Variants in MFGE8 observed in about 807,000 individuals in gnomAD.
The protein encoded by MFGE8 is lactadherin.
MFGE8 carries 34 observed loss-of-function variants against 42.6 expected under a neutral mutation model. The observed-to-expected ratio is 0.80, with a 90% CI of 0.61 to 1.06. The LOEUF (loss-of-function observed/expected upper bound fraction) is 1.06. MFGE8 is among the 50% of genes least tolerant of loss of function. The probability of loss-of-function intolerance (pLI) is 0.00; values close to 1 mark genes in which losing one functional copy is unlikely to be tolerated. For synonymous variants in MFGE8, 230 were observed against 214.8 expected (o/e 1.07, Z -0.62); for missense variants, 510 against 516.9 (o/e 0.99, Z 0.13).
intron 2 of MFGE8, 118 bp downstream of exon 2, chr15:88,909,674 C>T (rs1458736201): frequency 5.3e-6 from 8 of 1,499,780 alleles, no homozygotes; most frequent in Non-Finnish European, 7.4e-6. Context: ...GGCCTTGACA[C>T]CTCCACTGGG....
In MFGE8 at chr15:88,906,842, C is replaced by T; in HGVS notation, c.388-64G>A. 2.5e-6 allele frequency: 4 copies of T among 1,599,738 alleles called. No individual in the cohort carries two copies. In the East Asian group the frequency reaches 8.9e-5, roughly 36 times the overall value. On this transcript the variant is annotated intron_variant, in intron 3 of 7. Transcript: ENST00000268150. This position sits in a 1 kb window ranked among gnomAD's most constrained non-coding sequence, Gnocchi z 4.2. ...GGGTTCTTTCCACTCAAGATCCAAG[C>T]AGACCCATCCCTTCACTCCCCCACT...
intron 1 of MFGE8, among the ~76,000 whole-genome samples, chr15:88,911,571 A>C (rs993536510): frequency 1.3e-5 from 2 of 151,688 alleles, no homozygotes; most frequent in Non-Finnish European, 2.9e-5. Context: ...AAATACAAAA[A>C]ATTAGCCGGG....
In MFGE8 at chr15:88,905,922, CTG is replaced by C; in HGVS notation, c.541-23_541-22del. On this transcript the variant is annotated intron_variant, in intron 4 of 7. Coordinates refer to ENST00000268150, the MANE Select transcript of MFGE8 (RefSeq NM_005928.4). This position sits in a 1 kb window ranked among gnomAD's most constrained non-coding sequence, Gnocchi z 6.6. ...AACTCCTAGCAGGGAAGGGACAAGA[CTG>C]GAGAAGGGGGTCCATCTGAGCAGTC... The C allele has an allele frequency of 1.2e-6, 2 of 1,614,062 alleles. No homozygotes were observed. The highest frequency in any genetic ancestry group is 1.7e-6 in the Non-Finnish European group (2 of 1,179,956).
chr15:88,903,430 T>A lies in MFGE8; in HGVS notation c.686-1695A>T, dbSNP rs1439468048. 1 of 151,990 alleles carries A rather than the reference T, an allele frequency of 6.6e-6. No homozygotes were observed. Among genetic ancestry groups the A allele is most frequent in the Non-Finnish European group, 1.5e-5 (1 of 67,982 alleles). The allele number at this position is 151,990 out of a possible 1,614,324, so 9.4% of individuals were successfully genotyped here. ...GATCTTGATATAAAAAAAAAAAGCT[T>A]ATGTTTCAGCAAGTCTAGGCTGGGG... On this transcript the variant is annotated intron_variant, in intron 5 of 7. Transcript: ENST00000268150. This position sits in a 1 kb window ranked among gnomAD's most constrained non-coding sequence, Gnocchi z 4.9.
intron 1 of MFGE8, 131 bp from the exon 2 acceptor site, chr15:88,910,054 T>C (rs1898887635): frequency 4.3e-6 from 5 of 1,155,526 alleles, no homozygotes; most frequent in Non-Finnish European, 6.4e-6. Context: ...CCTCTCCCTC[T>C]TCCCCCGTGT....
chr15:88,912,553 G>A (rs981362185), intron 1 of MFGE8: 2 of 985,300 alleles, frequency 2.0e-6, no homozygotes, highest in African/African-American at 1.7e-5. Flanking sequence ...CAGCCTGCAA[G>A]GGGCCCAGCT....
rs374102886 is a variant in MFGE8 at position 88,903,472 on chromosome 15, CTTTT to C, written c.686-1741_686-1738del. 6.7e-6 allele frequency: 1 copy of C among 150,358 alleles called. No homozygotes were observed. Among genetic ancestry groups the C allele is most frequent in the Non-Finnish European group, 1.5e-5 (1 of 67,502 alleles). 9.3% of individuals were successfully genotyped at this position (150,358 alleles called of 1,614,324 possible). A position where few individuals can be genotyped will look rare whatever the true frequency, so the allele number is the denominator to read the frequency against. ...AGGCTGGGGCTTTCAGTCTGTATTT[CTTTT>C]TTTTTGTTTTTTTGTTTGTTTGTTT... On this transcript the variant is annotated intron_variant, in intron 5 of 7. Coordinates refer to ENST00000268150, the MANE Select transcript of MFGE8 (RefSeq NM_005928.4). The surrounding 1 kb of genome is among the most constrained non-coding windows in gnomAD (Gnocchi z 4.9).
rs1327063774 is a variant in MFGE8, at chr15:88,905,476, A to G, written c.685+281T>C. 1.7e-6 allele frequency: 1 copy of G among 605,796 alleles called. No homozygotes were observed. The highest frequency in any genetic ancestry group is 1.8e-5 in the African/African-American group (1 of 55,192). The allele number at this position is 605,796 out of a possible 1,614,324, so 37.5% of individuals were successfully genotyped here. The stretch of plus-strand genomic sequence containing the variant: ...TAACGCTACATGTTCTAGAAGCTAC[A>G]GGAGAGGAGCCAACCAGAAGAAGGG... On this transcript the variant is annotated intron_variant, in intron 5 of 7. Transcript: ENST00000268150. This position sits in a 1 kb window ranked among gnomAD's most constrained non-coding sequence, Gnocchi z 6.6.
chr15:88,907,469 C>T, intron 2 of MFGE8, 93 bp from the exon 3 acceptor site: 1 of 1,176,732 alleles, frequency 8.5e-7, no homozygotes, highest in Non-Finnish European at 1.3e-6. Context: ...ACTGTATGAC[C>T]TCTGCCTAAG....
intron 2 of MFGE8, among the ~76,000 whole-genome samples, chr15:88,908,227 A>G (rs779504833): frequency 6.6e-6 from 1 of 152,154 alleles, no homozygotes; most frequent in Non-Finnish European, 1.5e-5. Flanking sequence ...CCAGCTGCCA[A>G]GCAGAGAACC....
At chr15:88,907,605 G>A (rs12907520) in intron 2 of MFGE8, among the ~76,000 whole-genome samples, 78,342 of 151,644 alleles carry the variant, frequency 0.52, 21,222 homozygotes, top group Non-Finnish European at 0.61. Context: ...GATGAGGGGG[G>A]TGGGCAGAGT....
chr15:88,913,346 G>A lies in MFGE8; in HGVS notation c.-27C>T, dbSNP rs1468583483. 1 of 1,411,468 alleles carries A rather than the reference G, an allele frequency of 7.1e-7. No homozygotes were observed. Among genetic ancestry groups the A allele is most frequent in the South Asian group, 1.5e-5 (1 of 65,164 alleles). 87.4% of individuals were successfully genotyped at this position (1,411,468 alleles called of 1,614,324 possible). On this transcript the variant is annotated 5_prime_UTR_variant, in exon 1 of 8. Coordinates refer to ENST00000268150, the MANE Select transcript of MFGE8 (RefSeq NM_005928.4). ...CTGCGGGGACGCGGGCGCTGGAATG[G>A]GCACGCTGGGCTGCTCAGACCCCGC...
intron 6 of MFGE8, among the ~76,000 whole-genome samples, chr15:88,900,392 C>T (rs1248705067): frequency 6.6e-6 from 1 of 152,188 alleles, no homozygotes; most frequent in African/African-American, 2.4e-5. Context: ...ACCTGCACTG[C>T]ACTGTGATGG....
In MFGE8 at chr15:88,906,018, G is replaced by T. The variant is rs769286214; in HGVS notation, c.541-117C>A. On this transcript the variant is annotated intron_variant, in intron 4 of 7. Coordinates refer to ENST00000268150, the MANE Select transcript of MFGE8 (RefSeq NM_005928.4). This position sits in a 1 kb window ranked among gnomAD's most constrained non-coding sequence, Gnocchi z 4.2. Reference sequence around the variant, plus strand: ...GCAGAGGTGGGGCTGGGAGGGTGAAGAGGACTTGGAAGAGCCAGCAGAGGC... The same window carrying T: ...GCAGAGGTGGGGCTGGGAGGGTGAATAGGACTTGGAAGAGCCAGCAGAGGC... 1.1e-5 allele frequency: 14 copies of T among 1,289,852 alleles called. No individual in the cohort carries two copies. In the Admixed American group the frequency reaches 2.5e-4, roughly 23 times the overall value. The allele number at this position is 1,289,852 out of a possible 1,614,324, so 79.9% of individuals were successfully genotyped here.
rs1898635747 is a variant in MFGE8, at chr15:88,905,638, G to T, written c.685+119C>A. On this transcript the variant is annotated intron_variant, in intron 5 of 7. Transcript: ENST00000268150. The surrounding 1 kb of genome is among the most constrained non-coding windows in gnomAD (Gnocchi z 6.6). The stretch of plus-strand genomic sequence containing the variant: ...GAGTGCGTTGCCCGAGTGAAGCCTG[G>T]TCCCCGTGCCTTGTTGCTGCCCTAC... 7 of 1,391,612 alleles carry T rather than the reference G, an allele frequency of 5.0e-6. No individual in the cohort carries two copies. The highest frequency in any genetic ancestry group is 1.4e-5 in the African/African-American group (1 of 70,580). The allele number at this position is 1,391,612 out of a possible 1,614,324, so 86.2% of individuals were successfully genotyped here.
At chr15:88,907,125 C>T in intron 3 of MFGE8, 70 bp downstream of exon 3, 10 of 1,527,850 alleles carry the variant, frequency 6.5e-6, no homozygotes, top group Non-Finnish European at 8.0e-6. Context: ...CCTGGGGTAA[C>T]CCCCAAATGC....
intron 1 of MFGE8, chr15:88,910,178 C>A (rs1898893151): frequency 6.9e-6 from 3 of 434,568 alleles, no homozygotes; most frequent in South Asian, 6.1e-5. Flanking sequence ...CAGAAAAGTG[C>A]TGGCTGACAA....
At chr15:88,908,457 C>T (rs762876196) in intron 2 of MFGE8, among the ~76,000 whole-genome samples, 8 of 152,148 alleles carry the variant, frequency 5.3e-5, no homozygotes, top group Non-Finnish European at 1.2e-4. Flanking sequence ...TCTTTGGGCC[C>T]GCAGGGTCCT....
chr15:88,901,223 A>G (rs1288356205), intron 6 of MFGE8, among the ~76,000 whole-genome samples: 2 of 112,146 alleles, frequency 1.8e-5, no homozygotes, highest in Non-Finnish European at 4.3e-5. Context: ...ACATTCACAC[A>G]TACACATTCA....
Sources: gnomAD v4.1 joint callset for allele counts (sites outside exome capture counted in the v4.1 genomes callset) on GRCh38, gnomAD v4.1.1 for gene constraint, Gnocchi (gnomAD v3.1) non-coding constraint, MANE v1.5 for transcripts, NCBI Gene and HGNC (gene_info 2026-07-23, HGNC 2026-07-21) for gene names.